Variants in DOCK9 observed in about 807,000 individuals in gnomAD.
DOCK9 encodes the protein dedicator of cytokinesis 9, also known as dedicator of cytokinesis protein 9.
DOCK9 carries 89 observed loss-of-function variants against 263.3 expected under a neutral mutation model. That is an observed-to-expected ratio of 0.34 (90% CI 0.28 to 0.40). The LOEUF (loss-of-function observed/expected upper bound fraction) is 0.40, where lower values mean the gene tolerates loss of function less well. Ranked by LOEUF, DOCK9 falls within the 10% of genes least tolerant of loss-of-function variation. The pLI is 1.00. For synonymous variants in DOCK9, 976 were observed against 973.1 expected, an observed-to-expected ratio of 1.00 and a Z score of -0.06; for missense variants, 2,140 against 2,603.4, an observed-to-expected ratio of 0.82 and a Z score of 3.87.
chr13:99,041,656 T>A (rs1814408106), intron 1 of DOCK9, among the ~76,000 whole-genome samples: 1 of 152,180 alleles, frequency 6.6e-6, no homozygotes, highest in Admixed American at 6.5e-5. Flanking sequence ...AAAAGGTATG[T>A]CCACATCCTA....
rs1410314168 is a variant in DOCK9 at position 98,823,368 on chromosome 13, C to T, written c.5130+1030G>A. 1.3e-5 allele frequency among the ~76,000 whole-genome samples: 2 copies of T among 152,282 alleles called. 1 individual carries two copies. The highest frequency in any genetic ancestry group is 3.9e-4 in the East Asian group (2 of 5,184). On this transcript the variant is annotated intron_variant, in intron 45 of 52. Transcript: ENST00000682017. Reference sequence around the variant, plus strand: ...GTTTAGAGAACCACTGACTTATGGCCTAGCTCATGTCATGAGGATGTGTGT... The same window carrying T: ...GTTTAGAGAACCACTGACTTATGGCTTAGCTCATGTCATGAGGATGTGTGT...
Position 98,829,886 on chromosome 13 carries a change from T to C in DOCK9, c.4636-130A>G. 1.5e-6 allele frequency: 1 copy of C among 687,334 alleles called. No individual in the cohort carries two copies. Among genetic ancestry groups the C allele is most frequent in the Non-Finnish European group, 2.6e-6 (1 of 387,358 alleles). 42.6% of individuals were successfully genotyped at this position (687,334 alleles called of 1,614,324 possible). On this transcript the variant is annotated intron_variant, in intron 41 of 52. Coordinates refer to ENST00000682017, the MANE Select transcript of DOCK9 (RefSeq NM_001366683.2). This position sits in a 1 kb window ranked among gnomAD's most constrained non-coding sequence, Gnocchi z 4.1. ...GGTTGGGGGGTGCTTTGAGCAGGGG[T>C]CGCTCCGTGTAGGAAACAATGTCTG...
chr13:99,086,137 T>C, intron 1 of DOCK9: 1 of 1,383,626 alleles, frequency 7.2e-7, no homozygotes, highest in Non-Finnish European at 9.3e-7. Context: ...GCCTCAGCCC[T>C]GCCGACTAAG....
intron 1 of DOCK9, among the ~76,000 whole-genome samples, chr13:98,992,942 T>G (rs1567180952): frequency 6.6e-6 from 1 of 152,110 alleles, no homozygotes; most frequent in Non-Finnish European, 1.5e-5. Flanking sequence ...AGGAAGTACA[T>G]ATCCAGAAAG....
At chr13:98,808,978 A>G in intron 47 of DOCK9, 1 of 1,142,156 alleles carries the variant, frequency 8.8e-7, no homozygotes, top group Non-Finnish European at 1.2e-6. Flanking sequence ...CAGGTGATTT[A>G]TTTCTGTAAA....
chr13:98,816,191 A>G (rs1055393879), intron 45 of DOCK9, among the ~76,000 whole-genome samples: 1 of 152,162 alleles, frequency 6.6e-6, no homozygotes, highest in Non-Finnish European at 1.5e-5. Context: ...TTTTTACCAA[A>G]TGTGAAGGGC....
At chr13:98,891,108 G>C (rs2046548400) in intron 15 of DOCK9, among the ~76,000 whole-genome samples, 1 of 152,120 alleles carries the variant, frequency 6.6e-6, no homozygotes, top group African/African-American at 2.4e-5. Context: ...CTGTTGGTGG[G>C]AGGAGGGGCA....
chr13:99,068,567 C>T (rs889312980), intron 1 of DOCK9, among the ~76,000 whole-genome samples: 9 of 152,020 alleles, frequency 5.9e-5, no homozygotes, highest in Non-Finnish European at 2.9e-5. Flanking sequence ...GGCGACAAAG[C>T]GAGACTCCAT....
intron 1 of DOCK9, among the ~76,000 whole-genome samples, chr13:99,064,424 G>A (rs1356657400): frequency 1.3e-5 from 2 of 152,068 alleles, no homozygotes; most frequent in African/African-American, 4.8e-5. Context: ...TCTAAGAGGA[G>A]GAAAACTGAG....
chr13:98,802,566 G>A lies in DOCK9; in HGVS notation c.5726-2088C>T, dbSNP rs1171082837. On this transcript the variant is annotated intron_variant, in intron 49 of 52. Transcript: ENST00000682017. Reference sequence around the variant, plus strand: ...AATAGTGACTGGGAAGAAACTCCTTGGCAAAAGTTCCATGAAAGAAGTGGA... The same window carrying A: ...AATAGTGACTGGGAAGAAACTCCTTAGCAAAAGTTCCATGAAAGAAGTGGA... 2.6e-5 allele frequency among the ~76,000 whole-genome samples: 4 copies of A among 152,178 alleles called. No individual in the cohort carries two copies. The East Asian group carries it at 7.7e-4, about 29-fold the overall frequency.
chr13:98,798,561 C>T (rs1488032369), intron 50 of DOCK9, among the ~76,000 whole-genome samples: 2 of 152,098 alleles, frequency 1.3e-5, no homozygotes, highest in Non-Finnish European at 2.9e-5. Flanking sequence ...TAAAATGATA[C>T]AAGACGGTCT....
At chr13:98,868,055 T>G in intron 28 of DOCK9, 44 bp from the exon 29 acceptor site, 1 of 1,587,274 alleles carries the variant, frequency 6.3e-7, no homozygotes, top group Non-Finnish European at 8.6e-7. Context: ...GGTCCAAACA[T>G]TTCGGAAATT....
chr13:98,846,638 C>T (rs150759984), intron 37 of DOCK9: 154 of 1,079,188 alleles, frequency 1.4e-4, no homozygotes, highest in Non-Finnish European at 1.9e-4. Flanking sequence ...TGTACCATCA[C>T]CAGAGCAGAT....
In DOCK9 at chr13:98,881,964, G is replaced by T. The variant is rs1428225578; in HGVS notation, c.2603C>A (p.Pro868His). The T allele has an allele frequency of 6.2e-7, 1 of 1,600,794 alleles. No homozygotes were observed. The highest frequency in any genetic ancestry group is 2.2e-5 in the East Asian group (1 of 44,456). Residue 868 changes from proline to histidine, a missense_variant, in exon 24 of 53, where the codon CCC becomes CAC. By Grantham distance (77) the Pro-to-His change is moderately conservative (BLOSUM62 -2). Coordinates refer to ENST00000682017, the MANE Select transcript of DOCK9 (RefSeq NM_001366683.2). ...TCGGAACAGCTGGTTTAGGATAGTG[G>T]GCAAGAAGGCGATCATCACGTGGCC... The part of the protein sequence containing the change: ...MEGHVMIAFL[P>H]TILNQLFRVL...
intron 1 of DOCK9, among the ~76,000 whole-genome samples, chr13:99,065,426 T>C (rs577717483): frequency 3.3e-5 from 5 of 152,282 alleles, no homozygotes; most frequent in African/African-American, 9.6e-5. Flanking sequence ...TCTTGAGGCC[T>C]TCCAGCTCGA....
At chr13:98,819,876 T>G (rs2092153315) in intron 45 of DOCK9, among the ~76,000 whole-genome samples, 1 of 152,256 alleles carries the variant, frequency 6.6e-6, no homozygotes, top group Admixed American at 6.5e-5. Context: ...CAACTATTCC[T>G]GAATAGAAAC....
At chr13:98,879,296 G>C (rs1316153211) in intron 27 of DOCK9, among the ~76,000 whole-genome samples, 1 of 152,122 alleles carries the variant, frequency 6.6e-6, no homozygotes, top group Admixed American at 6.6e-5. Context: ...CGGTCAGAAA[G>C]GAACACACAT....
At chr13:99,017,131 C>T (rs1015785401) in intron 1 of DOCK9, among the ~76,000 whole-genome samples, 1 of 152,160 alleles carries the variant, frequency 6.6e-6, no homozygotes, top group African/African-American at 2.4e-5. Flanking sequence ...CAGGATGACC[C>T]TCTGGGGTCT....
At chr13:99,041,472 G>C (rs1247358003) in intron 1 of DOCK9, among the ~76,000 whole-genome samples, 1 of 134,592 alleles carries the variant, frequency 7.4e-6, no homozygotes, top group Non-Finnish European at 1.6e-5. Flanking sequence ...AACAAAGTAA[G>C]ACTGTCTCAA....
Sources: allele counts gnomAD v4.1 joint callset (sites outside exome capture counted in the v4.1 genomes callset), GRCh38; gene constraint gnomAD v4.1.1; non-coding constraint Gnocchi (gnomAD v3.1); transcripts MANE v1.5; gene names NCBI Gene and HGNC (gene_info 2026-07-23, HGNC 2026-07-21).